Variants in CDH7 observed in about 807,000 individuals in gnomAD.
The protein encoded by CDH7 is cadherin-7.
In CDH7, 25 loss-of-function variants were observed where a neutral mutation model predicts 71.8. The ratio of observed to expected loss-of-function variants is 0.35; its 90% CI spans 0.25 to 0.49. CDH7 has a LOEUF of 0.49. Among genes scored for constraint, CDH7 ranks in the 20% least tolerant of loss-of-function variants. The pLI is 0.99. For synonymous variants in CDH7, 381 were observed against 363.8 expected, an observed-to-expected ratio of 1.05 and a Z score of -0.54; for missense variants, 862 against 974.6, an observed-to-expected ratio of 0.88 and a Z score of 1.54.
intron 7 of CDH7, among the ~76,000 whole-genome samples, chr18:65,853,914 T>TATATATATATATATATCC (rs1568221006): frequency 6.3e-5 from 3 of 47,786 alleles, no homozygotes; most frequent in African/African-American, 4.1e-4. Context: ...ACCATATATA[T>TATATATATATATATATCC]ATATATATAT....
At chr18:65,821,508 A>C (rs1911927226) in intron 4 of CDH7, among the ~76,000 whole-genome samples, 1 of 152,172 alleles carries the variant, frequency 6.6e-6, no homozygotes, top group Admixed American at 6.5e-5. Context: ...TAAATGAGTA[A>C]TGTCAAAAAA....
chr18:65,812,762 T>C (rs1239920377), intron 3 of CDH7, among the ~76,000 whole-genome samples: 1 of 152,222 alleles, frequency 6.6e-6, no homozygotes, highest in African/African-American at 2.4e-5. Flanking sequence ...AAATGTGTTA[T>C]TGTACACAGC....
intron 2 of CDH7, among the ~76,000 whole-genome samples, chr18:65,794,644 TA>T (rs1910842425): frequency 6.6e-6 from 1 of 151,850 alleles, no homozygotes; most frequent in African/African-American, 2.4e-5. Flanking sequence ...GTTTTTGCCT[TA>T]ATAATGGTTG....
chr18:65,764,930 A>G (rs1187996285), intron 2 of CDH7, among the ~76,000 whole-genome samples: 2 of 152,062 alleles, frequency 1.3e-5, no homozygotes, highest in Non-Finnish European at 2.9e-5. Context: ...GTGTGTCCCT[A>G]TGTTACTTAA....
At chr18:65,858,174 GCCTATATTA>G (rs1913432642) in intron 8 of CDH7, among the ~76,000 whole-genome samples, 1 of 151,846 alleles carries the variant, frequency 6.6e-6, no homozygotes, top group South Asian at 2.1e-4. Context: ...AAAACAATGG[GCCTATATTA>G]CCTTCACAGG....
chr18:65,872,419 A>T (rs896204636), intron 11 of CDH7, among the ~76,000 whole-genome samples: 1 of 152,194 alleles, frequency 6.6e-6, no homozygotes, highest in Non-Finnish European at 1.5e-5. Context: ...TGTTGGCTGG[A>T]AAATTTCAGG....
chr18:65,797,707 G>A (rs17783381), intron 2 of CDH7, among the ~76,000 whole-genome samples: 1 of 152,040 alleles, frequency 6.6e-6, no homozygotes, highest in Non-Finnish European at 1.5e-5. Context: ...TTATGCCAGA[G>A]ACTTTTTGAG....
rs1326799033 is a variant in CDH7 at position 65,883,290 on chromosome 18, G to C, written c.*2396G>C. 1 of 151,646 alleles carries C rather than the reference G, an allele frequency of 6.6e-6. No homozygotes were observed. Among genetic ancestry groups the C allele is most frequent in the Non-Finnish European group, 1.5e-5 (1 of 67,862 alleles). The allele number at this position is 151,646 out of a possible 1,614,324, so 9.4% of individuals were successfully genotyped here. ...TGGCTGGAAGAATGTTCCTAATATAGGTAGTATTTATATGAAGTATTCTAA... is the reference window on the plus strand; with the variant it reads ...TGGCTGGAAGAATGTTCCTAATATACGTAGTATTTATATGAAGTATTCTAA... On this transcript the variant is annotated 3_prime_UTR_variant, in exon 12 of 12. Transcript: ENST00000397968.
intron 3 of CDH7, 60 bp from the exon 4 acceptor site, chr18:65,814,425 G>T (rs923212877): frequency 3.2e-6 from 5 of 1,586,046 alleles, no homozygotes; most frequent in African/African-American, 1.4e-5. Context: ...CATTTTGTAC[G>T]TTTTTTGTTT....
At chr18:65,764,212 A>G (rs1916287053) in intron 2 of CDH7, among the ~76,000 whole-genome samples, 1 of 152,036 alleles carries the variant, frequency 6.6e-6, no homozygotes, top group Non-Finnish European at 1.5e-5. Context: ...TTTATTGATG[A>G]GCATCTACAT....
intron 7 of CDH7, among the ~76,000 whole-genome samples, chr18:65,853,647 G>A (rs1416214995): frequency 6.6e-6 from 1 of 151,570 alleles, no homozygotes; most frequent in East Asian, 2.0e-4. Flanking sequence ...GGACTGTTCT[G>A]GATGTTCAGT....
At chr18:65,781,878 C>G (rs373738977) in intron 2 of CDH7, among the ~76,000 whole-genome samples, 1 of 102,690 alleles carries the variant, frequency 9.7e-6, no homozygotes, top group African/African-American at 5.2e-5. Flanking sequence ...CTCTCTCTCT[C>G]TGTCTCTCTC....
At chr18:65,823,460 T>A (rs1912012449) in intron 5 of CDH7, among the ~76,000 whole-genome samples, 1 of 151,924 alleles carries the variant, frequency 6.6e-6, no homozygotes, top group Non-Finnish European at 1.5e-5. Flanking sequence ...TTCTAGGCCA[T>A]TATAGATCCC....
intron 2 of CDH7, among the ~76,000 whole-genome samples, chr18:65,794,715 G>T (rs951363341): frequency 9.9e-5 from 15 of 152,044 alleles, no homozygotes; most frequent in African/African-American, 3.6e-4. Flanking sequence ...CTTCCGAGAG[G>T]AGATGGGTGG....
Position 65,881,800 on chromosome 18 carries a change from C to G in CDH7, c.*906C>G, listed in dbSNP as rs1300157032. On this transcript the variant is annotated 3_prime_UTR_variant, in exon 12 of 12. Coordinates refer to ENST00000397968, the MANE Select transcript of CDH7 (RefSeq NM_004361.5). ...CATGCTGATTTTTCTCCAGCCCGAG[C>G]TACATGAAGGAAATGAAGCATGGAA... 6.6e-6 allele frequency: 1 copy of G among 152,062 alleles called. No individual in the cohort carries two copies. The highest frequency in any genetic ancestry group is 1.5e-5 in the Non-Finnish European group (1 of 68,018). 9.4% of individuals were successfully genotyped at this position (152,062 alleles called of 1,614,324 possible). A position where few individuals can be genotyped will look rare whatever the true frequency, so the allele number is the denominator to read the frequency against.
At chr18:65,831,445 A>T (rs533360338) in intron 6 of CDH7, among the ~76,000 whole-genome samples, 2 of 152,336 alleles carry the variant, frequency 1.3e-5, no homozygotes, top group South Asian at 4.1e-4. Flanking sequence ...ACTCAATTTC[A>T]GAAGAAAATA....
rs950222365 is a variant in CDH7 at position 65,880,306 on chromosome 18, AAACCTGT to A, written c.1865-91_1865-85del. 4 of 1,292,162 alleles carry A rather than the reference AAACCTGT, an allele frequency of 3.1e-6. No homozygotes were observed. In the African/African-American group the frequency reaches 4.5e-5, roughly 14 times the overall value. The allele number at this position is 1,292,162 out of a possible 1,614,324, so 80.0% of individuals were successfully genotyped here. On this transcript the variant is annotated intron_variant, in intron 11 of 11. Coordinates refer to ENST00000397968, the MANE Select transcript of CDH7 (RefSeq NM_004361.5). Reference sequence around the variant, plus strand: ...AATTCATTTCTCTTTAAAGGGAAGAAAACCTGTAACTCAGCGTCCTAGGCCTAATTTT... The same window carrying A: ...AATTCATTTCTCTTTAAAGGGAAGAAAACTCAGCGTCCTAGGCCTAATTTT...
intron 2 of CDH7, among the ~76,000 whole-genome samples, chr18:65,778,397 T>C (rs1344362336): frequency 1.3e-5 from 2 of 150,968 alleles, no homozygotes; most frequent in Non-Finnish European, 2.9e-5. Flanking sequence ...CAGGAAAAAC[T>C]GCACAGAGGA....
chr18:65,811,555 C>T (rs903363990), intron 3 of CDH7, among the ~76,000 whole-genome samples: 12 of 152,160 alleles, frequency 7.9e-5, no homozygotes, highest in Admixed American at 5.2e-4. Flanking sequence ...CCAAGTGCTT[C>T]CTGCTGCTCT....
Sources: gnomAD v4.1 joint callset for allele counts (sites outside exome capture counted in the v4.1 genomes callset) on GRCh38, gnomAD v4.1.1 for gene constraint, MANE v1.5 for transcripts, NCBI Gene and HGNC (gene_info 2026-07-23, HGNC 2026-07-21) for gene names.